FGFR2: variants seen among roughly 807,000 people sequenced by gnomAD.
FGFR2 encodes the protein fibroblast growth factor receptor 2, also known as BEK fibroblast growth factor receptor.
Under a neutral mutation model 95.9 loss-of-function variants are expected in FGFR2, and 19 were observed. That is an observed-to-expected ratio of 0.20 (90% CI 0.14 to 0.29). The LOEUF (loss-of-function observed/expected upper bound fraction) is 0.29. Among genes scored for constraint, FGFR2 ranks in the 10% least tolerant of loss-of-function variants. The probability of loss-of-function intolerance (pLI) is 1.00; values close to 1 mark genes in which losing one functional copy is unlikely to be tolerated. For synonymous variants in FGFR2, 392 were observed against 393.3 expected (o/e 1.00, Z 0.04); for missense variants, 707 against 1,056.9 (o/e 0.67, Z 4.59).
rs975256573 is a variant in FGFR2 at position 121,531,721 on chromosome 10, T to C, written c.748+6871A>G. On this transcript the variant is annotated intron_variant, in intron 6 of 17. Coordinates refer to ENST00000358487, the MANE Select transcript of FGFR2 (RefSeq NM_000141.5). This position sits in a 1 kb window ranked among gnomAD's most constrained non-coding sequence, Gnocchi z 4.5. ...AGGTTCCATGCCTTTTCTAAGGCCA[T>C]AGAGTTAGCAAGGGTGGAAACAGAA... Among the ~76,000 whole-genome samples the C allele has an allele frequency of 6.6e-6, 1 of 152,064 alleles. No homozygotes were observed. Among genetic ancestry groups the C allele is most frequent in the Non-Finnish European group, 1.5e-5 (1 of 67,994 alleles).
chr10:121,557,666 C>T (rs1272097222), intron 4 of FGFR2, among the ~76,000 whole-genome samples: 3 of 152,124 alleles, frequency 2.0e-5, no homozygotes, highest in African/African-American at 7.2e-5. Context: ...TTTGCAAAGC[C>T]TGTGTGGGTT....
intron 6 of FGFR2, among the ~76,000 whole-genome samples, chr10:121,524,723 A>T (rs1432926730): frequency 6.6e-6 from 1 of 152,198 alleles, no homozygotes; most frequent in Non-Finnish European, 1.5e-5. Flanking sequence ...GTGGACGAGG[A>T]TGCAGGCTGG....
chr10:121,490,995 G>C (rs1415101751), intron 13 of FGFR2, among the ~76,000 whole-genome samples: 1 of 152,140 alleles, frequency 6.6e-6, no homozygotes, highest in Non-Finnish European at 1.5e-5. Flanking sequence ...AGTTTTGGAG[G>C]CCTGTTCAAA....
intron 5 of FGFR2, among the ~76,000 whole-genome samples, chr10:121,547,804 C>T (rs1854742235): frequency 6.6e-6 from 1 of 152,186 alleles, no homozygotes; most frequent in South Asian, 2.1e-4. Flanking sequence ...CCAACAAGGA[C>T]TCTCTGAGGC....
intron 2 of FGFR2, among the ~76,000 whole-genome samples, chr10:121,591,833 G>A (rs1209342773): frequency 6.6e-6 from 1 of 152,140 alleles, no homozygotes; most frequent in Non-Finnish European, 1.5e-5. Context: ...CCCAGGTTGA[G>A]CAGGCCTGCT....
Position 121,598,049 on chromosome 10 carries a change from G to A in FGFR2, c.-238C>T, listed in dbSNP as rs542734413. The A allele has an allele frequency of 2.4e-4, 94 of 397,964 alleles. No individual in the cohort carries two copies. The Admixed American group carries it at 2.5e-3, about 10-fold the overall frequency. 24.7% of individuals were successfully genotyped at this position (397,964 alleles called of 1,614,324 possible). A position where few individuals can be genotyped will look rare whatever the true frequency, so the allele number is the denominator to read the frequency against. ...AGAAAGCGACGAGCCCGGGGTTGCG[G>A]GGAGCAACTCCAAACGCAGAAGAGT... On this transcript the variant is annotated 5_prime_UTR_variant, in exon 1 of 18. Coordinates refer to ENST00000358487, the MANE Select transcript of FGFR2 (RefSeq NM_000141.5).
At position 121,479,621 on chromosome 10, in the gene FGFR2, T is replaced by A; in HGVS notation, c.*236A>T. 1 of 1,551,630 alleles carries A rather than the reference T, an allele frequency of 6.4e-7. No individual in the cohort carries two copies. The highest frequency in any genetic ancestry group is 8.7e-7 in the Non-Finnish European group (1 of 1,146,968). Reference sequence around the variant, plus strand: ...CAGTACGCACGGCAGGTGAGAGGGGTTACATGGTGGCTTGTGGCAGTCCAC... The same window carrying A: ...CAGTACGCACGGCAGGTGAGAGGGGATACATGGTGGCTTGTGGCAGTCCAC... On this transcript the variant is annotated 3_prime_UTR_variant, in exon 18 of 18. Transcript: ENST00000358487.
At chr10:121,597,891 C>A in intron 1 of FGFR2, 71 bp downstream of exon 1, 1 of 387,716 alleles carries the variant, frequency 2.6e-6, no homozygotes, top group Non-Finnish European at 4.6e-6. Flanking sequence ...GTGCACCCGG[C>A]GTCCCGGGCT....
intron 2 of FGFR2, among the ~76,000 whole-genome samples, chr10:121,570,078 A>G (rs569589742): frequency 1.3e-5 from 2 of 152,258 alleles, no homozygotes; most frequent in Non-Finnish European, 2.9e-5. Flanking sequence ...TGGCCCCCCA[A>G]GCCCAGCCTG....
chr10:121,559,773 AC>A (rs1366818255), intron 4 of FGFR2, among the ~76,000 whole-genome samples: 3 of 152,164 alleles, frequency 2.0e-5, no homozygotes, highest in Non-Finnish European at 2.9e-5. Context: ...TGGGTGCTCT[AC>A]CCCCTGGCCC....
At chr10:121,561,981 C>T (rs1205598044) in intron 4 of FGFR2, among the ~76,000 whole-genome samples, 2 of 152,106 alleles carry the variant, frequency 1.3e-5, no homozygotes, top group African/African-American at 4.8e-5. Flanking sequence ...TAAATTAAAA[C>T]AACAAAATAC....
At chr10:121,561,443 A>C (rs1856954730) in intron 4 of FGFR2, among the ~76,000 whole-genome samples, 1 of 151,954 alleles carries the variant, frequency 6.6e-6, no homozygotes, top group Non-Finnish European at 1.5e-5. Flanking sequence ...AAAAAAAAAA[A>C]ACCTAAAGGA....
chr10:121,564,015 C>T (rs1231131430), intron 4 of FGFR2, among the ~76,000 whole-genome samples: 3 of 152,222 alleles, frequency 2.0e-5, no homozygotes, highest in Non-Finnish European at 4.4e-5. Context: ...GGGCTGTGCT[C>T]TGCATCCCTG....
chr10:121,551,216 T>A (rs1301743704), intron 5 of FGFR2, 74 bp downstream of exon 5: 1 of 1,550,588 alleles, frequency 6.4e-7, no homozygotes, highest in Non-Finnish European at 8.9e-7. Context: ...CGAGACTCCA[T>A]CGCAAAAAAA....
At chr10:121,587,209 G>GCC (rs1861960185) in intron 2 of FGFR2, among the ~76,000 whole-genome samples, 1 of 152,150 alleles carries the variant, frequency 6.6e-6, no homozygotes, top group Non-Finnish European at 1.5e-5. Context: ...GCCACATGCA[G>GCC]AAGATTGAAG....
chr10:121,593,906 C>G lies in FGFR2; in HGVS notation c.-89G>C, dbSNP rs771307977. On this transcript the variant is annotated 5_prime_UTR_variant, in exon 2 of 18. Coordinates refer to ENST00000358487, the MANE Select transcript of FGFR2 (RefSeq NM_000141.5). ...ACTTCCTCTACGGGCATGGACTACG[C>G]GCAATGCCTTCAGCCTGCGGTGGGC... 5 of 1,213,186 alleles carry G rather than the reference C, an allele frequency of 4.1e-6. No homozygotes were observed. The highest frequency in any genetic ancestry group is 6.1e-6 in the Non-Finnish European group (5 of 818,574). The allele number at this position is 1,213,186 out of a possible 1,614,324, so 75.2% of individuals were successfully genotyped here. A position where few individuals can be genotyped will look rare whatever the true frequency, so the allele number is the denominator to read the frequency against.
intron 4 of FGFR2, among the ~76,000 whole-genome samples, chr10:121,557,995 A>T (rs1199114456): frequency 2.6e-5 from 4 of 152,180 alleles, no homozygotes; most frequent in Non-Finnish European, 5.9e-5. Flanking sequence ...AGAAAGAACC[A>T]CTTTAGCAGC....
rs187688016 is a variant in FGFR2, at chr10:121,557,498, C to A, written c.455-6039G>T. Among the ~76,000 whole-genome samples, 259 of 152,034 alleles carry A rather than the reference C, an allele frequency of 1.7e-3. 1 individual carries two copies. The highest frequency in any genetic ancestry group is 2.9e-3 in the African/African-American group (122 of 41,466). On this transcript the variant is annotated intron_variant, in intron 4 of 17. Coordinates refer to ENST00000358487, the MANE Select transcript of FGFR2 (RefSeq NM_000141.5). ...TAATCTTTTATTTTTTGTAGAGATG[C>A]GGTCTTGCTATGCTCCCGAGGCTAG...
chr10:121,515,732 T>G (rs1849632069), intron 8 of FGFR2, among the ~76,000 whole-genome samples: 1 of 151,672 alleles, frequency 6.6e-6, no homozygotes, highest in Non-Finnish European at 1.5e-5. Context: ...AAGGAGACAG[T>G]GACAATGCTT....
Sources: gnomAD v4.1 joint callset for allele counts (sites outside exome capture counted in the v4.1 genomes callset) on GRCh38, gnomAD v4.1.1 for gene constraint, Gnocchi (gnomAD v3.1) non-coding constraint, MANE v1.5 for transcripts, NCBI Gene and HGNC (gene_info 2026-07-23, HGNC 2026-07-21) for gene names.